The following RGS3 variants were observed in gnomAD, a reference collection of about 807,000 sequenced individuals.
The protein encoded by RGS3 is regulator of G protein signaling 3, also known as regulator of G-protein signalling 3.
A neutral mutation model predicts 132.6 loss-of-function variants in RGS3; 80 were observed. The observed-to-expected ratio is 0.60, with a 90% CI of 0.50 to 0.73. RGS3 has a LOEUF of 0.73. Among genes scored for constraint, RGS3 ranks in the 30% least tolerant of loss-of-function variants. The pLI is 0.00. For missense variants in RGS3, 1,382 were observed against 1,530.8 expected, an observed-to-expected ratio of 0.90 and a Z score of 1.62; for synonymous variants, 598 against 620.6, an observed-to-expected ratio of 0.96 and a Z score of 0.54.
chr9:113,488,436 C>T (rs936806770), intron 7 of RGS3, among the ~76,000 whole-genome samples: 2 of 152,140 alleles, frequency 1.3e-5, no homozygotes, highest in Admixed American at 6.6e-5. Context: ...GGAAGGTCAT[C>T]GAATGCTAAG....
exon 25 of RGS3, chr9:113,597,110 G>C: frequency 1.6e-6 from 1 of 639,908 alleles, no homozygotes; most frequent in Non-Finnish European, 2.6e-6. Context: ...TGGACCAAGA[G>C]AGGCCCAGGC....
At chr9:113,484,702 G>C (rs1830275722) in intron 6 of RGS3, among the ~76,000 whole-genome samples, 1 of 152,158 alleles carries the variant, frequency 6.6e-6, no homozygotes, top group African/African-American at 2.4e-5. Flanking sequence ...GAGAGCTGTG[G>C]GGTATAAATG....
chr9:113,445,284 G>A (rs957670545), intron 1 of RGS3, among the ~76,000 whole-genome samples: 9 of 151,146 alleles, frequency 6.0e-5, no homozygotes, highest in African/African-American at 2.2e-4. Context: ...CGAAACCTCC[G>A]CCTCCCGGGT....
In RGS3 at chr9:113,591,566, A is replaced by T. The variant is rs1352286262; in HGVS notation, c.3080+169A>T. On this transcript the variant is annotated intron_variant, in intron 21 of 24. Coordinates refer to ENST00000350696, the Ensembl canonical transcript of RGS3. This position sits in a 1 kb window ranked among gnomAD's most constrained non-coding sequence, Gnocchi z 4.4. Reference sequence around the variant, plus strand: ...TCTTGGAACTTTGCAGTGACCCCAAAGTGGGGTCACCTGGGTCCTGAGCAT... The same window carrying T: ...TCTTGGAACTTTGCAGTGACCCCAATGTGGGGTCACCTGGGTCCTGAGCAT... 4 of 635,486 alleles carry T rather than the reference A, an allele frequency of 6.3e-6. No individual in the cohort carries two copies. Among genetic ancestry groups the T allele is most frequent in the Non-Finnish European group, 1.1e-5 (4 of 353,972 alleles). The allele number at this position is 635,486 out of a possible 1,614,324, so 39.4% of individuals were successfully genotyped here.
chr9:113,597,148 G>T, exon 25 of RGS3: 2 of 559,842 alleles, frequency 3.6e-6, no homozygotes, highest in East Asian at 3.1e-5. Flanking sequence ...GATGGGCCCC[G>T]TGGGGTCCCC....
intron 15 of RGS3, 109 bp downstream of exon 13, chr9:113,514,763 T>A: frequency 1.9e-6 from 2 of 1,066,716 alleles, no homozygotes; most frequent in South Asian, 3.2e-5. Flanking sequence ...GAGGGCCCTG[T>A]TTTGGGAAAG....
intron 8 of RGS3, 152 bp downstream of exon 6, chr9:113,495,998 A>G (rs1390364115): frequency 4.2e-6 from 3 of 719,794 alleles, no homozygotes; most frequent in Admixed American, 2.1e-5. Context: ...GCATAGCAGC[A>G]CTGTGTTTAT....
chr9:113,572,047 CAG>C (rs1834314097), intron 19 of RGS3, among the ~76,000 whole-genome samples: 1 of 151,960 alleles, frequency 6.6e-6, no homozygotes, highest in Non-Finnish European at 1.5e-5. Flanking sequence ...AGCAGGTGGA[CAG>C]GGGAGGGGAA....
chr9:113,483,687 G>A (rs781467654), intron 5 of RGS3, among the ~76,000 whole-genome samples: 25 of 152,216 alleles, frequency 1.6e-4, no homozygotes, highest in Non-Finnish European at 3.7e-4. Flanking sequence ...GCCCCTGCTG[G>A]CAAGGAATTT....
intron 17 of RGS3, among the ~76,000 whole-genome samples, chr9:113,528,777 C>G (rs1164290389): frequency 6.6e-6 from 1 of 152,224 alleles, no homozygotes; most frequent in African/African-American, 2.4e-5. Flanking sequence ...GCCCACCATT[C>G]CTTGGCGGAA....
In RGS3 at chr9:113,591,188, T is replaced by C; in HGVS notation, c.3016-145T>C. The C allele has an allele frequency of 1.5e-6, 1 of 666,468 alleles. No individual in the cohort carries two copies. Among genetic ancestry groups the C allele is most frequent in the African/African-American group, 1.8e-5 (1 of 55,672 alleles). 41.3% of individuals were successfully genotyped at this position (666,468 alleles called of 1,614,324 possible). ...CCAGGCTGTTCCCAGCAGTGGGGTT[T>C]CCCTCCCTCACCTGTGTGCCGCGGG... On this transcript the variant is annotated intron_variant, in intron 20 of 24. Transcript: ENST00000350696. This position sits in a 1 kb window ranked among gnomAD's most constrained non-coding sequence, Gnocchi z 4.4.
Position 113,551,229 on chromosome 9 carries a change from G to T in RGS3, c.2037+14311G>T, listed in dbSNP as rs540946457. Among the ~76,000 whole-genome samples, 117 of 152,290 alleles carry T rather than the reference G, an allele frequency of 7.7e-4. 1 individual carries two copies. The highest frequency in any genetic ancestry group is 2.5e-3 in the African/African-American group (105 of 41,576). Reference sequence around the variant, plus strand: ...ATATAAAGGGAATTATATAATATTTGGACTTTTGTGACTGGCTTCTTTCAT... The same window carrying T: ...ATATAAAGGGAATTATATAATATTTTGACTTTTGTGACTGGCTTCTTTCAT... On this transcript the variant is annotated intron_variant, in intron 19 of 24. Transcript: ENST00000350696.
At chr9:113,512,720 C>T (rs1298717602) in intron 14 of RGS3, among the ~76,000 whole-genome samples, 1 of 152,204 alleles carries the variant, frequency 6.6e-6, no homozygotes, top group East Asian at 1.9e-4. Context: ...CCAGGCTGGG[C>T]ACCCAGGTCA....
At chr9:113,475,222 A>C (rs1454001805) in intron 3 of RGS3, among the ~76,000 whole-genome samples, 1 of 152,076 alleles carries the variant, frequency 6.6e-6, no homozygotes, top group African/African-American at 2.4e-5. Flanking sequence ...CACCTTTTGC[A>C]CATAGTGTTG....
chr9:113,539,323 G>A (rs1832807515), intron 19 of RGS3, among the ~76,000 whole-genome samples: 1 of 152,172 alleles, frequency 6.6e-6, no homozygotes, highest in South Asian at 2.1e-4. Flanking sequence ...GGACCGATTT[G>A]CTCTGAGATG....
chr9:113,585,052 A>G (rs1456696613), intron 20 of RGS3, among the ~76,000 whole-genome samples: 1 of 152,242 alleles, frequency 6.6e-6, no homozygotes, highest in Non-Finnish European at 1.5e-5. Flanking sequence ...GAATATTTAT[A>G]TGTAGATGAA....
At chr9:113,501,620 G>A (rs1588166137) in intron 10 of RGS3, 9 of 1,562,310 alleles carry the variant, frequency 5.8e-6, no homozygotes, top group Middle Eastern at 1.7e-4. Flanking sequence ...TCGGAGCGCC[G>A]CTACCGCCAG....
At chr9:113,450,029 G>A (rs1829204181) in intron 1 of RGS3, among the ~76,000 whole-genome samples, 1 of 151,064 alleles carries the variant, frequency 6.6e-6, no homozygotes, top group African/African-American at 2.4e-5. Flanking sequence ...ATAGGCATGA[G>A]CCACCATGCC....
At chr9:113,567,062 A>G (rs1834044688) in intron 19 of RGS3, among the ~76,000 whole-genome samples, 1 of 152,262 alleles carries the variant, frequency 6.6e-6, no homozygotes, top group Non-Finnish European at 1.5e-5. Flanking sequence ...AGGATGAGGC[A>G]GTTGAGGCAA....
Sources: allele counts gnomAD v4.1 joint callset (sites outside exome capture counted in the v4.1 genomes callset), GRCh38; gene constraint gnomAD v4.1.1; non-coding constraint Gnocchi (gnomAD v3.1); transcripts MANE v1.5; gene names NCBI Gene and HGNC (gene_info 2026-07-23, HGNC 2026-07-21).